Variants in LRRC7 observed in about 807,000 individuals in gnomAD.
LRRC7 encodes leucine rich repeat containing 7.
Under a neutral mutation model 175.7 loss-of-function variants are expected in LRRC7, and 23 were observed. That is an observed-to-expected ratio of 0.13 (90% CI 0.09 to 0.19). LRRC7 has a LOEUF of 0.19. Ranked by LOEUF, LRRC7 falls within the 10% of genes least tolerant of loss-of-function variation. The probability of loss-of-function intolerance (pLI) is 1.00; values close to 1 mark genes in which losing one functional copy is unlikely to be tolerated. For missense variants in LRRC7, 1,354 were observed against 1,904.7 expected (o/e 0.71, Z 5.38); for synonymous variants, 685 against 680.9 (o/e 1.01, Z -0.09).
chr1:69,907,100 A>G (rs978840546), intron 7 of LRRC7, among the ~76,000 whole-genome samples: 1 of 152,082 alleles, frequency 6.6e-6, no homozygotes, highest in African/African-American at 2.4e-5. Flanking sequence ...TGATTTTTGT[A>G]CATTGATTTT....
At chr1:69,737,012 G>A (rs1440105239) in intron 2 of LRRC7, among the ~76,000 whole-genome samples, 1 of 152,062 alleles carries the variant, frequency 6.6e-6, no homozygotes, top group East Asian at 1.9e-4. Context: ...GCCTGCCAGT[G>A]CCAAACTCAA....
At chr1:69,887,813 T>G (rs552956319) in intron 7 of LRRC7, among the ~76,000 whole-genome samples, 3,083 of 147,128 alleles carry the variant, frequency 0.021, 87 homozygotes, top group African/African-American at 0.076. Flanking sequence ...ATGTCCTTTC[T>G]GTTTGTTAGT....
intron 5 of LRRC7, among the ~76,000 whole-genome samples, chr1:69,830,867 A>G (rs879915671): frequency 6.6e-6 from 1 of 151,884 alleles, no homozygotes; most frequent in African/African-American, 2.4e-5. Flanking sequence ...CTTACTTTGC[A>G]TGCTGGTTTT....
chr1:69,756,340 A>T (rs575254836), intron 2 of LRRC7, among the ~76,000 whole-genome samples: 117 of 151,822 alleles, frequency 7.7e-4, no homozygotes, highest in Non-Finnish European at 1.2e-3. Flanking sequence ...GATTTTTTTT[A>T]AAAAATGAAG....
intron 12 of LRRC7, among the ~76,000 whole-genome samples, 169 bp downstream of exon 12, chr1:70,012,095 A>G (rs1656566677): frequency 6.6e-6 from 1 of 152,060 alleles, no homozygotes; most frequent in Non-Finnish European, 1.5e-5. Flanking sequence ...ACAAGTTCTT[A>G]TATTTGACCC....
At chr1:69,764,810 A>G (rs1671454215) in intron 3 of LRRC7, among the ~76,000 whole-genome samples, 1 of 151,506 alleles carries the variant, frequency 6.6e-6, no homozygotes. Context: ...ACTGGGCAAG[A>G]TGATGTCAGT....
At chr1:69,812,744 A>G (rs1678072997) in intron 4 of LRRC7, among the ~76,000 whole-genome samples, 1 of 152,144 alleles carries the variant, frequency 6.6e-6, no homozygotes, top group African/African-American at 2.4e-5. Flanking sequence ...TAAGCATTCA[A>G]TATGCATTAT....
chr1:70,023,339 C>A lies in LRRC7; in HGVS notation c.1759C>A (p.Gln587Lys). Residue 587 changes from glutamine to lysine, a missense_variant, in exon 17 of 27, where the codon CAA becomes AAA. Around this residue, in one of 4 missense-constraint regions of LRRC7, gnomAD observed 1,032 missense variants for 1,227.2 expected, o/e 0.84. Transcript: ENST00000651989. ...SMCTPLPVAA[Q>K]STTLPSLSGR... ...GTGTACTCCATTGCCAGTTGCAGCA[C>A]AATCCACCACTCTTCCCTCTCTAAG... 1 of 1,609,518 alleles carries A rather than the reference C, an allele frequency of 6.2e-7. No homozygotes were observed. The highest frequency in any genetic ancestry group is 8.5e-7 in the Non-Finnish European group (1 of 1,177,084).
intron 2 of LRRC7, among the ~76,000 whole-genome samples, chr1:69,708,255 T>C (rs1664289461): frequency 6.6e-6 from 1 of 152,204 alleles, no homozygotes; most frequent in Admixed American, 6.5e-5. Context: ...TCCAATTCAT[T>C]TCCCACCTTT....
At chr1:69,910,504 T>C (rs1646489681) in intron 7 of LRRC7, among the ~76,000 whole-genome samples, 2 of 152,280 alleles carry the variant, frequency 1.3e-5, no homozygotes, top group East Asian at 1.9e-4. Context: ...CAGCGGTGGC[T>C]GTAGAACAGC....
intron 2 of LRRC7, among the ~76,000 whole-genome samples, chr1:69,752,135 A>G (rs928809833): frequency 1.3e-5 from 2 of 152,118 alleles, no homozygotes; most frequent in Non-Finnish European, 2.9e-5. Context: ...CAGAATCACC[A>G]TGTATATTCT....
intron 7 of LRRC7, among the ~76,000 whole-genome samples, chr1:69,917,827 A>T (rs2101725145): frequency 6.6e-6 from 1 of 152,268 alleles, no homozygotes; most frequent in South Asian, 2.1e-4. Context: ...AAATCCTTTG[A>T]GGTTGTATTG....
In LRRC7 at chr1:69,881,313, C is replaced by G. The variant is rs566188657; in HGVS notation, c.647+43030C>G. Among the ~76,000 whole-genome samples, 275 of 152,288 alleles carry G rather than the reference C, an allele frequency of 1.8e-3. 1 individual carries two copies. Among genetic ancestry groups the G allele is most frequent in the Admixed American group, 6.6e-3 (101 of 15,302 alleles). ...ACAACAAAATTAAAATGTCTAAAAT[C>G]AGTCCCTGTATCTATAAAAATATGA... On this transcript the variant is annotated intron_variant, in intron 7 of 26. Coordinates refer to ENST00000651989, the MANE Select transcript of LRRC7 (RefSeq NM_001370785.2).
chr1:70,111,817 A>C (rs1206661487), intron 26 of LRRC7, among the ~76,000 whole-genome samples: 1 of 151,986 alleles, frequency 6.6e-6, no homozygotes, highest in African/African-American at 2.4e-5. Flanking sequence ...TCATTTACCC[A>C]CCCCCATCTC....
At chr1:69,632,279 C>T (rs1557516130) in intron 1 of LRRC7, among the ~76,000 whole-genome samples, 1 of 152,118 alleles carries the variant, frequency 6.6e-6, no homozygotes, top group Non-Finnish European at 1.5e-5. Context: ...GTAGCTTCCA[C>T]ACTAGACTCT....
chr1:69,969,671 C>T (rs530457028), intron 8 of LRRC7, among the ~76,000 whole-genome samples: 1 of 152,206 alleles, frequency 6.6e-6, no homozygotes, highest in East Asian at 1.9e-4. Context: ...AACAGCAACA[C>T]AATAATAGTG....
intron 23 of LRRC7, among the ~76,000 whole-genome samples, chr1:70,072,971 A>G (rs192219015): frequency 6.6e-6 from 1 of 152,326 alleles, no homozygotes; most frequent in African/African-American, 2.4e-5. Flanking sequence ...GTGGCAGTAT[A>G]ATATAGTCTT....
intron 7 of LRRC7, among the ~76,000 whole-genome samples, chr1:69,901,279 G>A (rs527261349): frequency 2.0e-5 from 3 of 152,208 alleles, no homozygotes; most frequent in African/African-American, 4.8e-5. Flanking sequence ...AGATAATAAT[G>A]GAAATAGAAT....
intron 1 of LRRC7, among the ~76,000 whole-genome samples, chr1:69,600,486 A>G (rs1470761593): frequency 2.6e-5 from 4 of 152,170 alleles, no homozygotes; most frequent in African/African-American, 7.2e-5. Context: ...TTTTGTTCTC[A>G]TAATTAGACT....
Sources: gnomAD v4.1 joint callset for allele counts (sites outside exome capture counted in the v4.1 genomes callset) on GRCh38, gnomAD v4.1.1 for gene constraint, gnomAD v4.1.1 regional missense constraint, MANE v1.5 for transcripts, NCBI Gene and HGNC (gene_info 2026-07-23, HGNC 2026-07-21) for gene names.